The following FRY variants were observed in gnomAD, a reference collection of about 807,000 sequenced individuals.
The protein encoded by FRY is FRY microtubule binding protein.
A neutral mutation model predicts 348.4 loss-of-function variants in FRY; 128 were observed. The observed-to-expected ratio is 0.37, with a 90% CI of 0.32 to 0.43. The LOEUF is 0.43. Ranked by LOEUF, FRY falls within the 20% of genes least tolerant of loss-of-function variation. The pLI is 1.00. For missense variants in FRY, 2,736 were observed against 3,695.2 expected (o/e 0.74, Z 6.73); for synonymous variants, 1,370 against 1,374.7 (o/e 1.00, Z 0.08).
intron 1 of FRY, among the ~76,000 whole-genome samples, chr13:32,075,500 A>G (rs978980637): frequency 3.9e-5 from 6 of 152,242 alleles, no homozygotes; most frequent in African/African-American, 1.4e-4. Flanking sequence ...TAGACAAATT[A>G]TCTTATGTAT....
At chr13:32,137,569 G>A (rs1879799561) in intron 11 of FRY, among the ~76,000 whole-genome samples, 1 of 152,214 alleles carries the variant, frequency 6.6e-6, no homozygotes, top group Non-Finnish European at 1.5e-5. Context: ...CAATACACCT[G>A]CTACACAGGT....
intron 55 of FRY, among the ~76,000 whole-genome samples, chr13:32,271,687 A>G (rs1326729665): frequency 6.6e-6 from 1 of 152,224 alleles, no homozygotes; most frequent in Admixed American, 6.5e-5. Context: ...GGCCTCAGAT[A>G]TCCCATCCAA....
At chr13:32,157,539 A>AAT in intron 16 of FRY, 134 bp downstream of exon 16, 1 of 771,582 alleles carries the variant, frequency 1.3e-6, no homozygotes. Context: ...TTAAAAAAAA[A>AAT]CCTTCACAGT....
chr13:32,155,876 A>T (rs1881076993), intron 15 of FRY, among the ~76,000 whole-genome samples: 1 of 152,174 alleles, frequency 6.6e-6, no homozygotes, highest in Non-Finnish European at 1.5e-5. Context: ...TGGCATTTAA[A>T]TGTTAGACTT....
At chr13:32,194,028 G>A in intron 28 of FRY, 115 bp from the exon 29 acceptor site, 1 of 1,063,174 alleles carries the variant, frequency 9.4e-7, no homozygotes. Context: ...CAAAATGAAA[G>A]CTCGGTCTTC....
chr13:32,295,064 A>C (rs1301022981), intron 60 of FRY, 138 bp from the exon 61 acceptor site: 1 of 772,960 alleles, frequency 1.3e-6, no homozygotes, highest in Non-Finnish European at 2.3e-6. Flanking sequence ...ACCTTAGATG[A>C]GTGAATTACC....
intron 8 of FRY, among the ~76,000 whole-genome samples, chr13:32,132,538 A>G (rs1448318446): frequency 6.6e-6 from 1 of 152,174 alleles, no homozygotes; most frequent in Non-Finnish European, 1.5e-5. Context: ...ATGTGGAAAA[A>G]TTAGAACCTT....
Position 32,239,475 on chromosome 13 carries a change from C to T in FRY, c.6516+126C>T. On this transcript the variant is annotated intron_variant, in intron 45 of 60. Coordinates refer to ENST00000542859, the MANE Select transcript of FRY (RefSeq NM_023037.3). This position sits in a 1 kb window ranked among gnomAD's most constrained non-coding sequence, Gnocchi z 4.3. ...AAAAACTGGAAATAATAACTAATAT[C>T]ACAGTAATGGAAATATAGGGGTGGC... The T allele has an allele frequency of 1.3e-6, 1 of 752,650 alleles. No homozygotes were observed. The highest frequency in any genetic ancestry group is 1.4e-5 in the South Asian group (1 of 70,390). The allele number at this position is 752,650 out of a possible 1,614,324, so 46.6% of individuals were successfully genotyped here.
At chr13:32,095,957 C>A (rs921403204) in intron 2 of FRY, among the ~76,000 whole-genome samples, 1 of 151,886 alleles carries the variant, frequency 6.6e-6, no homozygotes, top group African/African-American at 2.4e-5. Context: ...CTTCCTCCAT[C>A]CTTCCTTTCT....
chr13:32,115,716 T>C (rs571488949), intron 3 of FRY, among the ~76,000 whole-genome samples: 87 of 152,028 alleles, frequency 5.7e-4, no homozygotes, highest in African/African-American at 2.0e-3. Flanking sequence ...TTGGGTCTCA[T>C]CTCAAATTTC....
intron 28 of FRY, among the ~76,000 whole-genome samples, chr13:32,189,681 A>G (rs1037714972): frequency 1.3e-5 from 2 of 152,038 alleles, no homozygotes; most frequent in Non-Finnish European, 2.9e-5. Flanking sequence ...ATAAAACCAG[A>G]TGGCTTTGCT....
chr13:32,052,499 T>A (rs1873386931), intron 1 of FRY, among the ~76,000 whole-genome samples: 1 of 152,216 alleles, frequency 6.6e-6, no homozygotes, highest in African/African-American at 2.4e-5. Flanking sequence ...AGCATTGAAA[T>A]TTTCATAATT....
At chr13:32,197,696 G>A (rs2138310788) in intron 29 of FRY, among the ~76,000 whole-genome samples, 1 of 152,324 alleles carries the variant, frequency 6.6e-6, no homozygotes. Flanking sequence ...AGTTGTTGGA[G>A]GAGAACAGCT....
At chr13:32,063,256 T>G (rs1874052182) in intron 1 of FRY, among the ~76,000 whole-genome samples, 1 of 152,198 alleles carries the variant, frequency 6.6e-6, no homozygotes, top group Non-Finnish European at 1.5e-5. Context: ...TGGGTCCCTG[T>G]GTAATGCATT....
chr13:32,175,551 C>G lies in FRY; in HGVS notation c.2340C>G (p.Asp780Glu). The G allele has an allele frequency of 6.2e-7, 1 of 1,605,858 alleles. No homozygotes were observed. Among genetic ancestry groups the G allele is most frequent in the Non-Finnish European group, 8.5e-7 (1 of 1,172,462 alleles). ...LFIALGQPED[D>E]DRPMIDVMDQ... is the part of the protein sequence containing the mutation. ...ATCGCCTCCCCTTTGTACAGGATGA[C>G]GACAGGCCGATGATTGATGTCATGG... The change falls in exon 20 of 61, where the codon GAC becomes GAG. Residue 780 changes from aspartate to glutamate, a missense_variant. By Grantham distance (45) the Asp-to-Glu change is conservative. Around this residue, in one of 9 missense-constraint regions of FRY, gnomAD observed 449 missense variants for 576.9 expected, o/e 0.78. Transcript: ENST00000542859.
intron 7 of FRY, among the ~76,000 whole-genome samples, chr13:32,125,213 GT>G (rs111523071): frequency 9.8e-5 from 15 of 152,300 alleles, no homozygotes; most frequent in African/African-American, 3.6e-4. Context: ...TGAGTGGGTG[GT>G]TACAATATAT....
In FRY at chr13:32,136,990, C is replaced by A. The variant is rs1365695859; in HGVS notation, c.1179+18C>A. The A allele has an allele frequency of 7.5e-7, 1 of 1,333,918 alleles. No homozygotes were observed. The highest frequency in any genetic ancestry group is 1.2e-5 in the South Asian group (1 of 85,554). 82.6% of individuals were successfully genotyped at this position (1,333,918 alleles called of 1,614,324 possible). ...ACCTTAAAGTTAGTATTTGTCAGCT[C>A]AAAAACGATCTCTTTAAAAAATTTA... On this transcript the variant is annotated intron_variant, in intron 11 of 60. Coordinates refer to ENST00000542859, the MANE Select transcript of FRY (RefSeq NM_023037.3).
Position 32,169,658 on chromosome 13 carries a change from C to A in FRY, c.1893-1354C>A, listed in dbSNP as rs574422600. On this transcript the variant is annotated intron_variant, in intron 17 of 60. Transcript: ENST00000542859. The stretch of plus-strand genomic sequence containing the variant: ...TGAGCTGCCTCTGCTTCCTCTCCAG[C>A]ACTGTCTCACACCTCACTCTTGCAG... Among the ~76,000 whole-genome samples the A allele has an allele frequency of 3.3e-5, 5 of 152,316 alleles. No homozygotes were observed. The East Asian group carries it at 9.6e-4, about 29-fold the overall frequency.
At chr13:32,250,586 T>A (rs2806631) in intron 49 of FRY, among the ~76,000 whole-genome samples, 120,870 of 152,124 alleles carry the variant, frequency 0.79, 49,087 homozygotes, top group Middle Eastern at 0.91. Flanking sequence ...TTTGACATCC[T>A]TAGCAATTCT....
Sources: allele counts gnomAD v4.1 joint callset (sites outside exome capture counted in the v4.1 genomes callset), GRCh38; gene constraint gnomAD v4.1.1; regional missense constraint gnomAD v4.1.1; non-coding constraint Gnocchi (gnomAD v3.1); transcripts MANE v1.5; gene names NCBI Gene and HGNC (gene_info 2026-07-23, HGNC 2026-07-21).